The following MMP17 variants were observed in gnomAD, a reference collection of about 807,000 sequenced individuals.
MMP17 encodes matrix metallopeptidase 17.
MMP17 carries 54 observed loss-of-function variants against 49.1 expected under a neutral mutation model. The ratio of observed to expected loss-of-function variants is 1.10; its 90% confidence interval spans 0.88 to 1.38. The LOEUF (loss-of-function observed/expected upper bound fraction) is 1.38, where lower values mean the gene tolerates loss of function less well. Among genes scored for constraint, MMP17 ranks in the 40% most tolerant of loss-of-function variants. MMP17 has a pLI of 0.00. For missense variants in MMP17, 837 were observed against 853.7 expected, an observed-to-expected ratio of 0.98 and a Z score of 0.24; for synonymous variants, 397 against 383.1, an observed-to-expected ratio of 1.04 and a Z score of -0.42.
intron 8 of MMP17, 93 bp from the exon 9 acceptor site, chr12:131,849,709 A>T (rs1051140424): frequency 2.7e-6 from 4 of 1,456,072 alleles, no homozygotes; most frequent in Non-Finnish European, 3.7e-6. Flanking sequence ...GGCCAGGGCA[A>T]GGGCGGCTGA....
chr12:131,836,266 A>G (rs1170512101), intron 1 of MMP17, among the ~76,000 whole-genome samples: 1 of 152,038 alleles, frequency 6.6e-6, no homozygotes, highest in Non-Finnish European at 1.5e-5. Context: ...GATCCCATGT[A>G]GTGTCTTGTG....
In MMP17 at chr12:131,846,726, T is replaced by C. The variant is rs115418439; in HGVS notation, c.1204+1277T>C. Among the ~76,000 whole-genome samples the C allele has an allele frequency of 0.026, 3,976 of 152,246 alleles. 179 individuals carry two copies. The highest frequency in any genetic ancestry group is 0.09 in the African/African-American group (3,748 of 41,530). ...AACTAACACATCTGCAAAGACCCTC[T>C]TTCCAAGTAAGGTCACGTCCTGAGA... On this transcript the variant is annotated intron_variant, in intron 8 of 9. Coordinates refer to ENST00000360564, the MANE Select transcript of MMP17 (RefSeq NM_016155.7). The surrounding 1 kb of genome is among the most constrained non-coding windows in gnomAD (Gnocchi z 4.6).
intron 1 of MMP17, among the ~76,000 whole-genome samples, chr12:131,831,195 G>C (rs1183425271): frequency 6.6e-6 from 1 of 152,248 alleles, no homozygotes; most frequent in Non-Finnish European, 1.5e-5. Context: ...GAGTGTCTCG[G>C]GATCTGGGTC....
chr12:131,839,000 C>G (rs956902360), intron 3 of MMP17, among the ~76,000 whole-genome samples: 1 of 152,198 alleles, frequency 6.6e-6, no homozygotes, highest in Non-Finnish European at 1.5e-5. Context: ...GTGTCTGGGC[C>G]TGCTGTAGAT....
rs36031288 is a variant in MMP17 at position 131,845,121 on chromosome 12, C to T, written c.972C>T (p.Pro324=). Residue 324 remains proline (P), a synonymous_variant, in exon 7 of 10, where the codon CCC becomes CCT. Transcript: ENST00000360564. ...CCACCTGGCTCTCTCCCTGCAGGCC[C>T]AGGAAGGACGTGCCCCACAGATGCA... is the stretch of plus-strand genomic sequence containing the variant. ...EPPDNRSSAP[P]RKDVPHRCST... is the part of the protein sequence containing the mutation. 6.1e-3 allele frequency: 9,826 copies of T among 1,600,410 alleles called. 521 individuals are homozygous for T. The African/African-American group carries it at 0.12, about 20-fold the overall frequency.
At chr12:131,845,482 C>T in intron 8 of MMP17, 33 bp downstream of exon 8, 1 of 1,532,814 alleles carries the variant, frequency 6.5e-7, no homozygotes, top group Non-Finnish European at 8.7e-7. Flanking sequence ...CTCCGGGCTT[C>T]CCGGGCCCTC....
At chr12:131,840,962 C>G in intron 4 of MMP17, 106 bp downstream of exon 4, 2 of 1,317,632 alleles carry the variant, frequency 1.5e-6, no homozygotes, top group Non-Finnish European at 2.0e-6. Context: ...TGAAAACACA[C>G]GCGGCTGCTC....
intron 1 of MMP17, among the ~76,000 whole-genome samples, chr12:131,834,500 G>A (rs773890702): frequency 6.6e-6 from 1 of 152,078 alleles, no homozygotes; most frequent in African/African-American, 2.4e-5. Context: ...GGATCCACAG[G>A]CTCTGTAGGT....
rs767160259 is a variant in MMP17 at position 131,840,752 on chromosome 12, A to C, written c.602A>C (p.Asp201Ala). 6.2e-7 allele frequency: 1 copy of C among 1,604,382 alleles called. No homozygotes were observed. Among genetic ancestry groups the C allele is most frequent in the South Asian group, 1.1e-5 (1 of 91,080 alleles). The change falls in exon 4 of 10, where the codon GAC becomes GCC. Residue 201 changes from aspartate (D) to alanine (A), a missense_variant. Transcript: ENST00000360564. The part of the protein sequence containing the change: ...KADHNDGYPF[D>A]GPGGTVAHAF... ...GACCATAACGACGGCTACCCCTTCG[A>C]CGGCCCCGGCGGCACCGTGGCCCAC... is the stretch of plus-strand genomic sequence containing the variant.
rs758255137 is a variant in MMP17 at position 131,838,107 on chromosome 12, C to A, written c.160-88C>A. 6.8e-6 allele frequency: 10 copies of A among 1,478,188 alleles called. No homozygotes were observed. The Admixed American group carries it at 1.5e-4, about 23-fold the overall frequency. 91.6% of individuals were successfully genotyped at this position (1,478,188 alleles called of 1,614,324 possible). ...GATAGGGGGCTGGGAGGGGGCCTGC[C>A]CGGAAGCAGTGGTGGCCCGTGGCAG... On this transcript the variant is annotated intron_variant, in intron 1 of 9. Coordinates refer to ENST00000360564, the MANE Select transcript of MMP17 (RefSeq NM_016155.7).
At chr12:131,847,930 C>T in intron 8 of MMP17, among the ~76,000 whole-genome samples, 2 of 152,242 alleles carry the variant, frequency 1.3e-5, no homozygotes, top group East Asian at 3.8e-4. Context: ...CCAGGCGCAT[C>T]TGTCCTGGTT....
chr12:131,837,806 G>T (rs2136318348), intron 1 of MMP17, among the ~76,000 whole-genome samples: 1 of 152,284 alleles, frequency 6.6e-6, no homozygotes, highest in Admixed American at 6.5e-5. Context: ...CGCCTCCTGG[G>T]TTCCCACCAC....
chr12:131,843,255 C>G (rs1025731211), intron 5 of MMP17, among the ~76,000 whole-genome samples: 2 of 149,574 alleles, frequency 1.3e-5, no homozygotes, highest in Non-Finnish European at 3.0e-5. Context: ...CGTGAGCCAC[C>G]GCACCTGGCC....
intron 3 of MMP17, among the ~76,000 whole-genome samples, chr12:131,839,620 C>G (rs964817199): frequency 6.6e-6 from 1 of 152,110 alleles, no homozygotes; most frequent in Admixed American, 6.5e-5. Context: ...ATTACAGGCA[C>G]GAGCCACCAG....
chr12:131,843,677 T>C (rs2136332087), intron 5 of MMP17, among the ~76,000 whole-genome samples: 2 of 152,352 alleles, frequency 1.3e-5, no homozygotes, highest in South Asian at 4.1e-4. Flanking sequence ...TTGTCACCCC[T>C]GTTGGCTGCG....
intron 1 of MMP17, among the ~76,000 whole-genome samples, chr12:131,832,319 G>A (rs1399439345): frequency 2.1e-5 from 2 of 95,488 alleles, no homozygotes; most frequent in African/African-American, 4.2e-5. Context: ...GGACGGGAAC[G>A]GGGAAGGCTG....
At chr12:131,844,940 G>GTATCATTCAA in intron 6 of MMP17, 178 bp from the exon 7 acceptor site, 1 of 478,728 alleles carries the variant, frequency 2.1e-6, no homozygotes, top group Non-Finnish European at 3.6e-6. Flanking sequence ...CCCGCCCGCT[G>GTATCATTCAA]AAGCGGTGGA....
In MMP17 at chr12:131,840,780, C is replaced by A. The variant is rs925396820; in HGVS notation, c.630C>A (p.Ala210=). 5 of 1,605,654 alleles carry A rather than the reference C, an allele frequency of 3.1e-6. No individual in the cohort carries two copies. The African/African-American group carries it at 5.3e-5, about 17-fold the overall frequency. Reference sequence around the variant, plus strand: ...GCCCCGGCGGCACCGTGGCCCACGCCTTCTTCCCCGGCCACCACCACACCG... The same window carrying A: ...GCCCCGGCGGCACCGTGGCCCACGCATTCTTCCCCGGCCACCACCACACCG... The part of the protein sequence containing the change: ...FDGPGGTVAH[A]FFPGHHHTAG... The change falls in exon 4 of 10, where the codon GCC becomes GCA. Residue 210 remains alanine, a synonymous_variant. Transcript: ENST00000360564.
intron 9 of MMP17, 73 bp from the exon 10 acceptor site, chr12:131,850,852 C>T (rs1309918754): frequency 8.2e-7 from 1 of 1,216,948 alleles, no homozygotes; most frequent in East Asian, 3.1e-5. Flanking sequence ...CCCAACGCTC[C>T]CTCCTCGCTG....
Sources: gnomAD v4.1 joint callset for allele counts (sites outside exome capture counted in the v4.1 genomes callset) on GRCh38, gnomAD v4.1.1 for gene constraint, Gnocchi (gnomAD v3.1) non-coding constraint, MANE v1.5 for transcripts, NCBI Gene and HGNC (gene_info 2026-07-23, HGNC 2026-07-21) for gene names.